SLC6A18: variants seen among roughly 807,000 people sequenced by gnomAD.
SLC6A18 encodes inactive sodium-dependent neutral amino acid transporter B(0)AT3.
SLC6A18 carries 58 observed loss-of-function variants against 62.9 expected under a neutral mutation model. The ratio of observed to expected loss-of-function variants is 0.92; its 90% CI spans 0.75 to 1.15. SLC6A18 has a LOEUF of 1.15. Among genes scored for constraint, SLC6A18 ranks in the 50% most tolerant of loss-of-function variants. SLC6A18 has a pLI of 0.00. For missense variants in SLC6A18, 793 were observed against 836.6 expected, an observed-to-expected ratio of 0.95 and a Z score of 0.64; for synonymous variants, 382 against 365.8, an observed-to-expected ratio of 1.04 and a Z score of -0.51.
chr5:1,227,811 G>T (rs962715127), intron 1 of SLC6A18, among the ~76,000 whole-genome samples: 1 of 152,200 alleles, frequency 6.6e-6, no homozygotes, highest in African/African-American at 2.4e-5. Flanking sequence ...TCAAAGGAAC[G>T]TAGACTCGTA....
At chr5:1,226,753 G>A (rs1281643607) in intron 1 of SLC6A18, among the ~76,000 whole-genome samples, 1 of 152,144 alleles carries the variant, frequency 6.6e-6, no homozygotes, top group East Asian at 1.9e-4. Flanking sequence ...AAGCACCAAA[G>A]CCCAAGGGCA....
Position 1,242,827 on chromosome 5 carries a change from C to A in SLC6A18, c.1095C>A (p.Pro365=), listed in dbSNP as rs1324690136. ...ATWPKRVAQL[P]LKACLLEDFL... is the part of the protein sequence containing the mutation. ...GGCCCAAGAGGGTGGCCCAGCTCCC[C>A]CTGAAGGCCTGCCTCCTGGAAGACT... Residue 365 remains proline (P), a synonymous_variant, in exon 8 of 12, where the codon CCC becomes CCA. Transcript: ENST00000324642. The A allele has an allele frequency of 3.1e-6, 5 of 1,613,196 alleles. No individual in the cohort carries two copies. The highest frequency in any genetic ancestry group is 4.2e-6 in the Non-Finnish European group (5 of 1,179,508).
chr5:1,233,524 C>T (rs1390244516), intron 3 of SLC6A18, among the ~76,000 whole-genome samples: 1 of 151,806 alleles, frequency 6.6e-6, no homozygotes, highest in East Asian at 1.9e-4. Context: ...TGGGTCCAGA[C>T]CTCAGCCAGG....
Position 1,242,834 on chromosome 5 carries a change from G to C in SLC6A18, c.1102G>C (p.Ala368Pro). The C allele has an allele frequency of 2.5e-6, 4 of 1,612,636 alleles. No homozygotes were observed. Among genetic ancestry groups the C allele is most frequent in the Non-Finnish European group, 3.4e-6 (4 of 1,179,228 alleles). Residue 368 changes from alanine to proline, a missense_variant, in exon 8 of 12, where the codon GCC becomes CCC. Physicochemically the swap from Ala to Pro is conservative, Grantham distance 27. Transcript: ENST00000324642. Reference sequence around the variant, plus strand: ...GAGGGTGGCCCAGCTCCCCCTGAAGGCCTGCCTCCTGGAAGACTTTCTGGA... The same window carrying C: ...GAGGGTGGCCCAGCTCCCCCTGAAGCCCTGCCTCCTGGAAGACTTTCTGGA... Reference protein sequence around the residue: ...PKRVAQLPLKACLLEDFLDKS... With the variant: ...PKRVAQLPLKPCLLEDFLDKS...
At position 1,232,348 on chromosome 5, in the gene SLC6A18, T is replaced by C. The variant is rs1159715259; in HGVS notation, c.290T>C (p.Leu97Pro). The change falls in exon 2 of 12, where the codon CTC (leucine) becomes CCC (proline). Residue 97 changes from leucine to proline, a missense_variant. Coordinates refer to ENST00000324642, the MANE Select transcript of SLC6A18 (RefSeq NM_182632.3). Reference sequence around the variant, plus strand: ...GTGTGGACGGCCATCTCCCCGTACCTCAGTGGAGTAGGTAGGCCACCGTCC... The same window carrying C: ...GTGTGGACGGCCATCTCCCCGTACCCCAGTGGAGTAGGTAGGCCACCGTCC... ...VGVWTAISPYLSGVGLGCVTL... is the reference protein window; with the variant it reads ...VGVWTAISPYPSGVGLGCVTL... 6.2e-7 allele frequency: 1 copy of C among 1,610,498 alleles called. No individual in the cohort carries two copies. The highest frequency in any genetic ancestry group is 8.5e-7 in the Non-Finnish European group (1 of 1,179,394).
At chr5:1,244,163 AC>A (rs1445132023) in intron 9 of SLC6A18, 50 bp from the exon 10 acceptor site, 1 of 958,994 alleles carries the variant, frequency 1.0e-6, no homozygotes, top group African/African-American at 1.8e-5. Flanking sequence ...CCCTCCCCAC[AC>A]CTCCACTCCC....
chr5:1,245,729 T>C, intron 11 of SLC6A18, 119 bp from the exon 12 acceptor site: 1 of 1,124,312 alleles, frequency 8.9e-7, no homozygotes, highest in East Asian at 2.6e-5. Context: ...CCGTGCCTTT[T>C]CCATTCCCAT....
At chr5:1,232,721 G>A (rs570693852) in intron 2 of SLC6A18, 30 bp from the exon 3 acceptor site, 59 of 1,578,764 alleles carry the variant, frequency 3.7e-5, no homozygotes, top group East Asian at 3.6e-4. Flanking sequence ...AAGGAGCCCC[G>A]GGGCCACCTG....
rs796199146 is a variant in SLC6A18 at position 1,232,071 on chromosome 5, C to T, written c.161-148C>T. Reference sequence around the variant, plus strand: ...GCAGGGTTTGGCAACCCAACAGTGCCCCAAGGGTGTCTCCACCACCCAAGT... The same window carrying T: ...GCAGGGTTTGGCAACCCAACAGTGCTCCAAGGGTGTCTCCACCACCCAAGT... On this transcript the variant is annotated intron_variant, in intron 1 of 11. Coordinates refer to ENST00000324642, the MANE Select transcript of SLC6A18 (RefSeq NM_182632.3). 8.5e-6 allele frequency: 6 copies of T among 703,004 alleles called. No homozygotes were observed. In the African/African-American group the frequency reaches 8.9e-5, roughly 10 times the overall value. 43.5% of individuals were successfully genotyped at this position (703,004 alleles called of 1,614,324 possible).
intron 4 of SLC6A18, among the ~76,000 whole-genome samples, chr5:1,236,122 G>T (rs1418681917): frequency 1.4e-5 from 2 of 138,914 alleles, no homozygotes; most frequent in African/African-American, 5.1e-5. Flanking sequence ...GTTTCCATGT[G>T]CCCCATCTGT....
At chr5:1,232,456 G>T in intron 2 of SLC6A18, 97 bp downstream of exon 2, 1 of 1,485,538 alleles carries the variant, frequency 6.7e-7, no homozygotes, top group Non-Finnish European at 9.1e-7. Flanking sequence ...CCTGTGGTAC[G>T]GAAGCGGCCA....
At chr5:1,232,504 G>A in intron 2 of SLC6A18, 145 bp downstream of exon 2, 2 of 1,200,590 alleles carry the variant, frequency 1.7e-6, no homozygotes, top group South Asian at 1.5e-5. Context: ...GAGCCCTTGG[G>A]TGTGTGTGAG....
chr5:1,226,977 TTGCC>T (rs1561173301), intron 1 of SLC6A18, among the ~76,000 whole-genome samples: 37 of 148,042 alleles, frequency 2.5e-4, no homozygotes, highest in African/African-American at 9.0e-4. Context: ...CACCGACGCC[TTGCC>T]CACCGATGCC....
Position 1,246,052 on chromosome 5 carries a change from A to G in SLC6A18, c.1861A>G (p.Met621Val). The change falls in exon 12 of 12, where the codon ATG becomes GTG. Residue 621 changes from methionine to valine, a missense_variant. By Grantham distance (21) the Met-to-Val change is conservative (BLOSUM62 1). Transcript: ENST00000324642. ...CACGGACACGCGCCCAGACACGGACATGCGCCCGGACACGGACATGCGCTG... is the reference window on the plus strand; with the variant it reads ...CACGGACACGCGCCCAGACACGGACGTGCGCCCGGACACGGACATGCGCTG... The part of the protein sequence containing the change: ...PDTDTRPDTD[M>V]RPDTDMR The G allele has an allele frequency of 6.3e-7, 1 of 1,586,512 alleles. No homozygotes were observed. Among genetic ancestry groups the G allele is most frequent in the Non-Finnish European group, 8.5e-7 (1 of 1,172,256 alleles).
At chr5:1,244,895 G>A (rs1312791481) in intron 11 of SLC6A18, 128 bp downstream of exon 11, 1 of 1,164,708 alleles carries the variant, frequency 8.6e-7, no homozygotes. Flanking sequence ...AGGTGGCGTG[G>A]TCACTTCTGC....
At chr5:1,238,161 G>T in intron 5 of SLC6A18, 101 bp downstream of exon 5, 1 of 933,928 alleles carries the variant, frequency 1.1e-6, no homozygotes. Context: ...GAGGCCAGGA[G>T]CCACTCCAGC....
chr5:1,225,522 G>T lies in SLC6A18; in HGVS notation c.45G>T (p.Gly15=). ...CGGACCCGGCCGCCTGCGACCTCGG[G>T]GATGAGAGGCCCAAGTGGGACAACA... ...PEPDPAACDL[G]DERPKWDNKA... The change falls in exon 1 of 12, where the codon GGG becomes GGT. Residue 15 remains glycine (G), a synonymous_variant. Coordinates refer to ENST00000324642, the MANE Select transcript of SLC6A18 (RefSeq NM_182632.3). 6.2e-7 allele frequency: 1 copy of T among 1,613,504 alleles called. No individual in the cohort carries two copies. The highest frequency in any genetic ancestry group is 8.5e-7 in the Non-Finnish European group (1 of 1,179,590).
chr5:1,242,194 C>G (rs1397672965), intron 7 of SLC6A18, among the ~76,000 whole-genome samples: 3 of 152,208 alleles, frequency 2.0e-5, no homozygotes, highest in Admixed American at 6.5e-5. Flanking sequence ...GCTGCCACCA[C>G]CCCCACCCCC....
Position 1,245,894 on chromosome 5 carries a change from G to A in SLC6A18, c.1703G>A (p.Arg568His). 1.9e-6 allele frequency: 3 copies of A among 1,607,816 alleles called. No homozygotes were observed. Among genetic ancestry groups the A allele is most frequent in the South Asian group, 1.1e-5 (1 of 90,880 alleles). Residue 568 changes from arginine (R) to histidine (H), a missense_variant, in exon 12 of 12, where the codon CGC (arginine) becomes CAC (histidine). By Grantham distance (29) the Arg-to-His change is conservative (BLOSUM62 0). Coordinates refer to ENST00000324642, the MANE Select transcript of SLC6A18 (RefSeq NM_182632.3). ...GAGAAGCTCTACCCGGGCTGGGCGC[G>A]CGCCGCCTGTGTGCTGCTGTCCTTG... ...RQEKLYPGWARAACVLLSLLP... is the reference protein window; with the variant it reads ...RQEKLYPGWAHAACVLLSLLP...
Sources: gnomAD v4.1 joint callset for allele counts (sites outside exome capture counted in the v4.1 genomes callset) on GRCh38, gnomAD v4.1.1 for gene constraint, MANE v1.5 for transcripts, NCBI Gene and HGNC (gene_info 2026-07-23, HGNC 2026-07-21) for gene names.